The following PPP1R37 variants were observed in gnomAD, a reference collection of about 807,000 sequenced individuals.
PPP1R37 encodes leucine rich repeat containing 68.
A neutral mutation model predicts 61.0 loss-of-function variants in PPP1R37; 21 were observed. The observed-to-expected ratio is 0.34, with a 90% CI of 0.24 to 0.50. The LOEUF (loss-of-function observed/expected upper bound fraction) is 0.50. Ranked by LOEUF, PPP1R37 falls within the 20% of genes least tolerant of loss-of-function variation. The probability of loss-of-function intolerance (pLI) is 0.98; values close to 1 mark genes in which losing one functional copy is unlikely to be tolerated. For missense variants in PPP1R37, 910 were observed against 952.7 expected, an observed-to-expected ratio of 0.96 and a Z score of 0.59; for synonymous variants, 443 against 433.5, an observed-to-expected ratio of 1.02 and a Z score of -0.27.
At chr19:45,115,180 A>T (rs911139572) in intron 1 of PPP1R37, among the ~76,000 whole-genome samples, 1 of 152,198 alleles carries the variant, frequency 6.6e-6, no homozygotes, top group African/African-American at 2.4e-5. Context: ...TTGGCCAACC[A>T]GCAGACAGCA....
chr19:45,123,104 C>G (rs750075757), intron 1 of PPP1R37, among the ~76,000 whole-genome samples: 1 of 152,322 alleles, frequency 6.6e-6, no homozygotes, highest in South Asian at 2.1e-4. Flanking sequence ...TGTCCCCTCC[C>G]TCCCTCCCTC....
Position 45,146,695 on chromosome 19 carries a change from C to G in PPP1R37, c.*133C>G. On this transcript the variant is annotated 3_prime_UTR_variant, in exon 13 of 13. Transcript: ENST00000221462. ...GGGGCCATTCTGGGGCCCCCCTCCC[C>G]CCACAGCAACACTACAAGGGGTGCA... is the stretch of plus-strand genomic sequence containing the variant. 1 of 525,768 alleles carries G rather than the reference C, an allele frequency of 1.9e-6. No individual in the cohort carries two copies. Among genetic ancestry groups the G allele is most frequent in the South Asian group, 2.0e-5 (1 of 48,980 alleles). The allele number at this position is 525,768 out of a possible 1,614,324, so 32.6% of individuals were successfully genotyped here. A position where few individuals can be genotyped will look rare whatever the true frequency, so the allele number is the denominator to read the frequency against.
In PPP1R37 at chr19:45,130,441, G is replaced by A. The variant is rs956100156; in HGVS notation, c.203-8073G>A. Reference sequence around the variant, plus strand: ...TGCTCCCCTCCCGGTGTGCTTTGGCGCCGAGCCTGCTCCCACCGTCACACT... The same window carrying A: ...TGCTCCCCTCCCGGTGTGCTTTGGCACCGAGCCTGCTCCCACCGTCACACT... On this transcript the variant is annotated intron_variant, in intron 1 of 12. Transcript: ENST00000221462. The surrounding 1 kb of genome is among the most constrained non-coding windows in gnomAD (Gnocchi z 4.4). Among the ~76,000 whole-genome samples, 22 of 152,108 alleles carry A rather than the reference G, an allele frequency of 1.4e-4. No homozygotes were observed. The highest frequency in any genetic ancestry group is 2.1e-4 in the South Asian group (1 of 4,796).
At chr19:45,136,717 G>GCTGGCCT (rs909992590) in intron 1 of PPP1R37, 6 of 152,426 alleles carry the variant, frequency 3.9e-5, no homozygotes, top group Non-Finnish European at 7.3e-5. Context: ...GAGGCTGGCG[G>GCTGGCCT]CTGGCCTCTG....
At chr19:45,100,633 T>C (rs1968050640) in intron 1 of PPP1R37, among the ~76,000 whole-genome samples, 1 of 152,222 alleles carries the variant, frequency 6.6e-6, no homozygotes, top group Non-Finnish European at 1.5e-5. Flanking sequence ...ATAACCCCTG[T>C]GCGGCGGCTG....
rs769092808 is a variant in PPP1R37 at position 45,145,044 on chromosome 19, C to T, written c.1129+49C>T. 1.4e-5 allele frequency: 21 copies of T among 1,519,404 alleles called. No homozygotes were observed. The South Asian group carries it at 1.5e-4, about 11-fold the overall frequency. 94.1% of individuals were successfully genotyped at this position (1,519,404 alleles called of 1,614,324 possible). ...GTGCGGGCTGGTGGGCTCAGCCGGG[C>T]GGCCAGCCGGGTGTGGGGCCCGTGG... is the stretch of plus-strand genomic sequence containing the variant. On this transcript the variant is annotated intron_variant, in intron 9 of 12. Transcript: ENST00000221462.
At chr19:45,144,258 C>T (rs1355155863) in intron 8 of PPP1R37, 1 of 152,306 alleles carries the variant, frequency 6.6e-6, no homozygotes, top group Non-Finnish European at 1.5e-5. Flanking sequence ...TGTGATCCAC[C>T]CTCCTCGGCC....
intron 1 of PPP1R37, among the ~76,000 whole-genome samples, chr19:45,106,336 A>C (rs539372557): frequency 6.6e-6 from 1 of 151,640 alleles, no homozygotes; most frequent in South Asian, 2.1e-4. Flanking sequence ...TTGCCTCCCA[A>C]GTTTAAGCGA....
chr19:45,129,021 A>G (rs1052071588), intron 1 of PPP1R37: 8 of 837,316 alleles, frequency 9.6e-6, no homozygotes, highest in South Asian at 6.5e-5. Context: ...AGTCAAGGCC[A>G]TGGCAAAAGA....
Position 45,144,850 on chromosome 19 carries a change from C to T in PPP1R37, c.988-4C>T, listed in dbSNP as rs1968663805. On this transcript the variant is annotated splice_polypyrimidine_tract_variant and splice_region_variant and intron_variant, in intron 8 of 12. Coordinates refer to ENST00000221462, the MANE Select transcript of PPP1R37 (RefSeq NM_019121.2). ...CTCCTCACCCTCACACCCCCTCCCT[C>T]CAGCCGCACACTCAGAGCCTGGAGA... is the stretch of plus-strand genomic sequence containing the variant. 6.5e-7 allele frequency: 1 copy of T among 1,527,724 alleles called. No individual in the cohort carries two copies. Among genetic ancestry groups the T allele is most frequent in the South Asian group, 1.2e-5 (1 of 82,898 alleles). 94.6% of individuals were successfully genotyped at this position (1,527,724 alleles called of 1,614,324 possible).
Position 45,093,207 on chromosome 19 carries a change from G to GGAGGCGGCGCCT in PPP1R37, c.-116_-105dup. 1 of 823,490 alleles carries GGAGGCGGCGCCT rather than the reference G, an allele frequency of 1.2e-6. No individual in the cohort carries two copies. The highest frequency in any genetic ancestry group is 1.7e-6 in the Non-Finnish European group (1 of 592,354). The allele number at this position is 823,490 out of a possible 1,614,324, so 51.0% of individuals were successfully genotyped here. On this transcript the variant is annotated 5_prime_UTR_variant, in exon 1 of 13. Transcript: ENST00000221462. ...GACTACGACCACTAGGAGAGCGGAC[G>GGAGGCGGCGCCT]GAGGCGGCGCCTGAAGCGGCGGCGG...
intron 9 of PPP1R37, 24 bp downstream of exon 9, chr19:45,145,019 G>T: frequency 5.2e-6 from 8 of 1,526,380 alleles, no homozygotes; most frequent in Non-Finnish European, 6.1e-6. Flanking sequence ...CCGGGCCAGG[G>T]TGCGGGCTGG....
Position 45,121,408 on chromosome 19 carries a change from A to AT in PPP1R37, c.203-17103dup, listed in dbSNP as rs1452323684. ...AAGCCCAGAAACAGACCCCTGCAGA[A>AT]TTTGTAGCAAGGGAATGTGTGGGGA... is the stretch of plus-strand genomic sequence containing the variant. On this transcript the variant is annotated intron_variant, in intron 1 of 12. Coordinates refer to ENST00000221462, the MANE Select transcript of PPP1R37 (RefSeq NM_019121.2). This position sits in a 1 kb window ranked among gnomAD's most constrained non-coding sequence, Gnocchi z 4.2. Among the ~76,000 whole-genome samples, 2 of 152,262 alleles carry AT rather than the reference A, an allele frequency of 1.3e-5. No individual in the cohort carries two copies. The highest frequency in any genetic ancestry group is 3.8e-4 in the East Asian group (2 of 5,196).
rs544806049 is a variant in PPP1R37, at chr19:45,121,231, G to A, written c.203-17283G>A. Among the ~76,000 whole-genome samples, 5 of 152,350 alleles carry A rather than the reference G, an allele frequency of 3.3e-5. No individual in the cohort carries two copies. In the South Asian group the frequency reaches 1.0e-3, roughly 32 times the overall value. On this transcript the variant is annotated intron_variant, in intron 1 of 12. Transcript: ENST00000221462. The surrounding 1 kb of genome is among the most constrained non-coding windows in gnomAD (Gnocchi z 4.2). The stretch of plus-strand genomic sequence containing the variant: ...GTGGGAGAGCGTGGGGATGATTACT[G>A]TTGGGAAATGCATGGCAGTGGCTGG...
chr19:45,120,814 A>AGT (rs1968333359), intron 1 of PPP1R37, among the ~76,000 whole-genome samples: 1 of 152,054 alleles, frequency 6.6e-6, no homozygotes, highest in Non-Finnish European at 1.5e-5. Context: ...GGGTTTCACC[A>AGT]TGTTGGCCAG....
At chr19:45,144,677 G>C (rs1968660319) in intron 8 of PPP1R37, 177 bp from the exon 9 acceptor site, 2 of 572,974 alleles carry the variant, frequency 3.5e-6, no homozygotes, top group South Asian at 4.6e-5. Context: ...TTCAGGCACA[G>C]GAGGGACTTC....
chr19:45,128,746 G>T (rs993440307), intron 1 of PPP1R37: 3 of 729,092 alleles, frequency 4.1e-6, no homozygotes, highest in Non-Finnish European at 7.0e-6. Flanking sequence ...CACCTGGTTG[G>T]TATTGACATC....
Position 45,146,694 on chromosome 19 carries a change from C to A in PPP1R37, c.*132C>A. On this transcript the variant is annotated 3_prime_UTR_variant, in exon 13 of 13. Transcript: ENST00000221462. ...GGGGGCCATTCTGGGGCCCCCCTCC[C>A]CCCACAGCAACACTACAAGGGGTGC... 1 of 527,092 alleles carries A rather than the reference C, an allele frequency of 1.9e-6. No individual in the cohort carries two copies. The highest frequency in any genetic ancestry group is 3.5e-6 in the Non-Finnish European group (1 of 289,840). 32.7% of individuals were successfully genotyped at this position (527,092 alleles called of 1,614,324 possible).
chr19:45,095,670 G>A, intron 1 of PPP1R37, among the ~76,000 whole-genome samples: 1 of 151,864 alleles, frequency 6.6e-6, no homozygotes, highest in East Asian at 1.9e-4. Flanking sequence ...GGCTGAAGTG[G>A]GAGGATCATT....
Sources: allele counts gnomAD v4.1 joint callset (sites outside exome capture counted in the v4.1 genomes callset), GRCh38; gene constraint gnomAD v4.1.1; non-coding constraint Gnocchi (gnomAD v3.1); transcripts MANE v1.5; gene names NCBI Gene and HGNC (gene_info 2026-07-23, HGNC 2026-07-21).